SNX10: variants seen among roughly 807,000 people sequenced by gnomAD.
The protein encoded by SNX10 is sorting nexin-10.
SNX10 carries 25 observed loss-of-function variants against 28.5 expected under a neutral mutation model. The observed-to-expected ratio is 0.88, with a 90% CI of 0.64 to 1.22. The LOEUF (loss-of-function observed/expected upper bound fraction) is 1.22. Ranked by LOEUF, SNX10 falls within the 50% of genes most tolerant of loss-of-function variation. The pLI, the probability that SNX10 is intolerant of heterozygous loss-of-function variation, is 0.00. For synonymous variants in SNX10, 62 were observed against 81.4 expected (o/e 0.76, Z 1.28); for missense variants, 223 against 242.6 (o/e 0.92, Z 0.54).
intron 2 of SNX10, among the ~76,000 whole-genome samples, 193 bp downstream of exon 2, chr7:26,346,659 C>T (rs1788399676): frequency 6.6e-6 from 1 of 152,148 alleles, no homozygotes; most frequent in African/African-American, 2.4e-5. Context: ...GTTCCAGTGA[C>T]TCAGCTGTGG....
chr7:26,314,573 G>A (rs1786993368), intron 1 of SNX10, among the ~76,000 whole-genome samples: 1 of 152,162 alleles, frequency 6.6e-6, no homozygotes, highest in African/African-American at 2.4e-5. Flanking sequence ...ATTGACTTGT[G>A]AATTTGCTGA....
chr7:26,367,976 T>C (rs548960505), intron 5 of SNX10, among the ~76,000 whole-genome samples: 1 of 152,378 alleles, frequency 6.6e-6, no homozygotes, highest in Non-Finnish European at 1.5e-5. Context: ...ACAATGTCTT[T>C]GTATATGTGT....
At position 26,310,783 on chromosome 7, in the gene SNX10, C is replaced by T. The variant is rs535198838; in HGVS notation, c.-24+18697C>T. 9.4e-4 allele frequency among the ~76,000 whole-genome samples: 142 copies of T among 151,678 alleles called. 1 individual carries two copies. Among genetic ancestry groups the T allele is most frequent in the African/African-American group, 3.3e-3 (135 of 41,336 alleles). On this transcript the variant is annotated intron_variant, in intron 1 of 6. Coordinates refer to ENST00000338523, the MANE Select transcript of SNX10 (RefSeq NM_013322.3). ...TGCAAGCTCCGCCTCCTGGGGTTCA[C>T]GCCATTCTCCTGTCTCAGCCTCCCG...
At chr7:26,292,706 T>C (rs1785973733) in intron 1 of SNX10, among the ~76,000 whole-genome samples, 1 of 152,210 alleles carries the variant, frequency 6.6e-6, no homozygotes, top group African/African-American at 2.4e-5. Flanking sequence ...GGGAGCAACA[T>C]GTCCTGCTGA....
At chr7:26,354,109 G>A (rs1788722150) in intron 2 of SNX10, 2 of 152,118 alleles carry the variant, frequency 1.3e-5, no homozygotes, top group African/African-American at 4.8e-5. Context: ...AAGCTATGAT[G>A]GAAAATTTTA....
chr7:26,335,114 C>T (rs932274530), intron 1 of SNX10, among the ~76,000 whole-genome samples: 2 of 152,210 alleles, frequency 1.3e-5, no homozygotes, highest in Admixed American at 1.3e-4. Context: ...AGATGCTGGA[C>T]ACGGAAGCCA....
chr7:26,297,136 G>A (rs1218101317), intron 1 of SNX10, among the ~76,000 whole-genome samples: 12 of 152,310 alleles, frequency 7.9e-5, no homozygotes, highest in East Asian at 1.9e-4. Flanking sequence ...TCGCTCTGTC[G>A]CCCAAGCTGG....
chr7:26,358,824 T>TTTTTTTTTG (rs60519078), intron 2 of SNX10, among the ~76,000 whole-genome samples: 1 of 148,848 alleles, frequency 6.7e-6, no homozygotes, highest in African/African-American at 2.5e-5. Context: ...TTTTTTTTTT[T>TTTTTTTTTG]GACCAAGTCT....
intron 1 of SNX10, among the ~76,000 whole-genome samples, chr7:26,318,343 T>A (rs1461200013): frequency 6.6e-6 from 1 of 152,240 alleles, no homozygotes; most frequent in Non-Finnish European, 1.5e-5. Flanking sequence ...AAGATGTACA[T>A]GTATATGCAG....
At chr7:26,338,446 G>C (rs999925813) in intron 1 of SNX10, among the ~76,000 whole-genome samples, 3 of 151,882 alleles carry the variant, frequency 2.0e-5, no homozygotes, top group Non-Finnish European at 4.4e-5. Flanking sequence ...GTTGTTTTGA[G>C]ACTGCATCTC....
chr7:26,340,576 G>T (rs1268075151), intron 1 of SNX10, among the ~76,000 whole-genome samples: 1 of 152,202 alleles, frequency 6.6e-6, no homozygotes. Flanking sequence ...GCAGATCTGT[G>T]TACCATGCTC....
At chr7:26,336,245 A>C (rs576470448) in intron 1 of SNX10, among the ~76,000 whole-genome samples, 1 of 152,280 alleles carries the variant, frequency 6.6e-6, no homozygotes, top group East Asian at 1.9e-4. Flanking sequence ...TAACAAATGC[A>C]CTGTAATCTT....
chr7:26,327,653 C>T (rs1450299657), intron 1 of SNX10, among the ~76,000 whole-genome samples: 1 of 149,792 alleles, frequency 6.7e-6, no homozygotes, highest in East Asian at 2.0e-4. Context: ...TGTCTCTGCA[C>T]ATAAAAATTT....
chr7:26,348,873 C>T (rs1462390350), intron 2 of SNX10, among the ~76,000 whole-genome samples: 1 of 152,202 alleles, frequency 6.6e-6, no homozygotes, highest in Non-Finnish European at 1.5e-5. Flanking sequence ...CTGGAATAAT[C>T]TCTTCCCCTA....
intron 1 of SNX10, among the ~76,000 whole-genome samples, chr7:26,344,541 C>T (rs1210331530): frequency 6.6e-6 from 1 of 152,148 alleles, no homozygotes; most frequent in Non-Finnish European, 1.5e-5. Context: ...TTGTGACTGG[C>T]TTATTTCATT....
intron 1 of SNX10, among the ~76,000 whole-genome samples, chr7:26,317,437 A>T (rs1223633376): frequency 6.6e-6 from 1 of 152,184 alleles, no homozygotes; most frequent in African/African-American, 2.4e-5. Context: ...TGTGAGAATT[A>T]ACAACATACA....
intron 1 of SNX10, among the ~76,000 whole-genome samples, chr7:26,340,000 T>A (rs1458265995): frequency 1.4e-5 from 2 of 147,582 alleles, no homozygotes; most frequent in Non-Finnish European, 3.0e-5. Flanking sequence ...AAAAAGTCTT[T>A]GCCGTTTTTT....
At chr7:26,326,579 C>T (rs116579707) in intron 1 of SNX10, among the ~76,000 whole-genome samples, 1,537 of 152,314 alleles carry the variant, frequency 0.01, 21 homozygotes, top group African/African-American at 0.035. Context: ...AGCAAGGCTG[C>T]CTGGGTTCAA....
intron 2 of SNX10, among the ~76,000 whole-genome samples, chr7:26,359,809 C>T (rs1375728597): frequency 6.6e-6 from 1 of 152,078 alleles, no homozygotes; most frequent in East Asian, 1.9e-4. Flanking sequence ...AGGCACACGC[C>T]ACCACGCCCA....
Sources: gnomAD v4.1 joint callset for allele counts (sites outside exome capture counted in the v4.1 genomes callset) on GRCh38, gnomAD v4.1.1 for gene constraint, MANE v1.5 for transcripts, NCBI Gene and HGNC (gene_info 2026-07-23, HGNC 2026-07-21) for gene names.